Variants in DCC observed in about 807,000 individuals in gnomAD.
The protein encoded by DCC is DCC netrin 1 receptor.
A neutral mutation model predicts 172.5 loss-of-function variants in DCC; 58 were observed. That is an observed-to-expected ratio of 0.34 (90% CI 0.27 to 0.42). The LOEUF (loss-of-function observed/expected upper bound fraction) is 0.42. Ranked by LOEUF, DCC falls within the 10% of genes least tolerant of loss-of-function variation. The pLI is 1.00. For synonymous variants in DCC, 709 were observed against 644.5 expected (o/e 1.10, Z -1.52); for missense variants, 1,740 against 1,791.0 (o/e 0.97, Z 0.51).
At chr18:53,381,744 T>A (rs1393693560) in intron 15 of DCC, among the ~76,000 whole-genome samples, 1 of 152,028 alleles carries the variant, frequency 6.6e-6, no homozygotes, top group African/African-American at 2.4e-5. Flanking sequence ...GACCACAGGC[T>A]TGGATTCAGT....
chr18:53,242,871 G>GGTGTGTGT (rs3059140), intron 12 of DCC, among the ~76,000 whole-genome samples: 40 of 148,526 alleles, frequency 2.7e-4, no homozygotes, highest in East Asian at 1.0e-3. Context: ...ATGACAAGTA[G>GGTGTGTGT]GTGTGTGTGT....
chr18:53,366,633 T>C (rs1026850021), intron 15 of DCC, among the ~76,000 whole-genome samples: 1 of 152,216 alleles, frequency 6.6e-6, no homozygotes, highest in African/African-American at 2.4e-5. Flanking sequence ...AAATTTTCCA[T>C]GGATTGTCTC....
intron 1 of DCC, among the ~76,000 whole-genome samples, chr18:52,468,602 G>GCAATTTGCATTAA (rs1988857106): frequency 6.6e-6 from 1 of 152,176 alleles, no homozygotes; most frequent in Non-Finnish European, 1.5e-5. Flanking sequence ...GTTTAGCAAT[G>GCAATTTGCATTAA]TAAACATTTG....
intron 1 of DCC, among the ~76,000 whole-genome samples, chr18:52,660,772 A>T (rs928975109): frequency 1.3e-5 from 2 of 152,156 alleles, no homozygotes; most frequent in Non-Finnish European, 1.5e-5. Context: ...TAAGAATCAA[A>T]TTGTTCTGGG....
rs918219486 is a variant in DCC, at chr18:53,526,795, G to A, written c.4254+36G>A. On this transcript the variant is annotated intron_variant, in intron 28 of 28. Coordinates refer to ENST00000442544, the MANE Select transcript of DCC (RefSeq NM_005215.4). Reference sequence around the variant, plus strand: ...CTTTAAAATTCATGCTTCATCAAGGGACAGATTGACTGGCGCTGTGTAATA... The same window carrying A: ...CTTTAAAATTCATGCTTCATCAAGGAACAGATTGACTGGCGCTGTGTAATA... 4.3e-6 allele frequency: 7 copies of A among 1,611,660 alleles called. No homozygotes were observed. The African/African-American group carries it at 6.7e-5, about 15-fold the overall frequency.
At chr18:52,482,136 A>G (rs1279674729) in intron 1 of DCC, among the ~76,000 whole-genome samples, 1 of 152,080 alleles carries the variant, frequency 6.6e-6, no homozygotes, top group Non-Finnish European at 1.5e-5. Context: ...CCAGCTGCAC[A>G]CCACACAAAC....
At chr18:52,581,704 C>T (rs1286174700) in intron 1 of DCC, among the ~76,000 whole-genome samples, 1 of 152,048 alleles carries the variant, frequency 6.6e-6, no homozygotes, top group Admixed American at 6.5e-5. Flanking sequence ...TAGCAAACTC[C>T]AGGAACATGT....
chr18:52,742,425 G>C (rs1299655967), intron 1 of DCC, among the ~76,000 whole-genome samples: 1 of 152,104 alleles, frequency 6.6e-6, no homozygotes, highest in African/African-American at 2.4e-5. Flanking sequence ...ATAAAACCTA[G>C]AAGGATAGGG....
intron 7 of DCC, among the ~76,000 whole-genome samples, chr18:53,140,664 A>C (rs934583656): frequency 1.3e-5 from 2 of 152,148 alleles, no homozygotes; most frequent in African/African-American, 2.4e-5. Context: ...TCAGGAAGGG[A>C]AACTAGTAAT....
intron 14 of DCC, among the ~76,000 whole-genome samples, chr18:53,335,458 G>C (rs73467209): frequency 2.0e-5 from 3 of 152,156 alleles, no homozygotes; most frequent in African/African-American, 7.2e-5. Flanking sequence ...ATACATGACC[G>C]AGTATGCTGC....
intron 15 of DCC, among the ~76,000 whole-genome samples, chr18:53,369,739 T>C (rs988647662): frequency 2.0e-5 from 3 of 151,956 alleles, no homozygotes; most frequent in Non-Finnish European, 4.4e-5. Flanking sequence ...TGGTGGTTTT[T>C]CTTCACTTTA....
intron 8 of DCC, among the ~76,000 whole-genome samples, chr18:53,177,050 A>G (rs2144469865): frequency 6.6e-6 from 1 of 152,224 alleles, no homozygotes; most frequent in East Asian, 1.9e-4. Flanking sequence ...GAAATTGGCA[A>G]TCATCATTCT....
At chr18:53,129,072 A>G (rs1162021431) in intron 7 of DCC, among the ~76,000 whole-genome samples, 1 of 151,676 alleles carries the variant, frequency 6.6e-6, no homozygotes. Context: ...TTTTTAGTGG[A>G]GATGACGTTT....
intron 15 of DCC, among the ~76,000 whole-genome samples, chr18:53,356,691 A>G (rs139034743): frequency 8.8e-4 from 134 of 152,272 alleles, no homozygotes; most frequent in African/African-American, 3.0e-3. Flanking sequence ...CCTCATACAC[A>G]TGCACTGATA....
intron 25 of DCC, among the ~76,000 whole-genome samples, chr18:53,481,576 G>A (rs1276245337): frequency 1.3e-5 from 2 of 152,056 alleles, no homozygotes; most frequent in Non-Finnish European, 2.9e-5. Context: ...GAAAAGAGAA[G>A]ATAAAAAGAG....
intron 1 of DCC, among the ~76,000 whole-genome samples, chr18:52,578,877 A>C (rs549198106): frequency 1.3e-5 from 2 of 152,154 alleles, no homozygotes; most frequent in Non-Finnish European, 2.9e-5. Flanking sequence ...GCTACTTTGG[A>C]GGCTGAGGCG....
chr18:53,349,550 T>A (rs1287764891), intron 15 of DCC, among the ~76,000 whole-genome samples: 1 of 152,170 alleles, frequency 6.6e-6, no homozygotes, highest in Non-Finnish European at 1.5e-5. Context: ...TCACACTGCT[T>A]GTAAGACATA....
chr18:52,800,486 C>G (rs929594874), intron 2 of DCC, among the ~76,000 whole-genome samples: 1 of 152,168 alleles, frequency 6.6e-6, no homozygotes, highest in African/African-American at 2.4e-5. Flanking sequence ...TTCAGGGTAT[C>G]ATTCCTGGGG....
chr18:53,298,921 T>C (rs368710775), intron 12 of DCC, among the ~76,000 whole-genome samples: 1 of 152,190 alleles, frequency 6.6e-6, no homozygotes, highest in African/African-American at 2.4e-5. Flanking sequence ...AAGTCTTCCA[T>C]TGATAGTGCC....
Sources: gnomAD v4.1 joint callset for allele counts (sites outside exome capture counted in the v4.1 genomes callset) on GRCh38, gnomAD v4.1.1 for gene constraint, MANE v1.5 for transcripts, NCBI Gene and HGNC (gene_info 2026-07-23, HGNC 2026-07-21) for gene names.